Variants in TRIM44 observed in about 807,000 individuals in gnomAD.
TRIM44 encodes tripartite motif containing 44, also known as tripartite motif-containing protein 44.
In TRIM44, 13 loss-of-function variants were observed where a neutral mutation model predicts 37.4. The ratio of observed to expected loss-of-function variants is 0.35; its 90% confidence interval spans 0.23 to 0.55. The LOEUF (loss-of-function observed/expected upper bound fraction) is 0.55. Among genes scored for constraint, TRIM44 ranks in the 20% least tolerant of loss-of-function variants. The pLI is 0.89. For synonymous variants in TRIM44, 175 were observed against 157.2 expected, an observed-to-expected ratio of 1.11 and a Z score of -0.85; for missense variants, 426 against 437.2, an observed-to-expected ratio of 0.97 and a Z score of 0.23.
intron 2 of TRIM44, among the ~76,000 whole-genome samples, chr11:35,703,349 A>G (rs1253719148): frequency 6.6e-6 from 1 of 152,214 alleles, no homozygotes; most frequent in Non-Finnish European, 1.5e-5. Context: ...AAACAAAAAG[A>G]CAGCAGTAAC....
At chr11:35,784,821 G>A (rs1393852087) in intron 4 of TRIM44, among the ~76,000 whole-genome samples, 1 of 152,154 alleles carries the variant, frequency 6.6e-6, no homozygotes, top group East Asian at 1.9e-4. Flanking sequence ...CAAAAAACTA[G>A]GTTGTAGAAT....
chr11:35,740,710 T>C (rs1188973020), intron 4 of TRIM44, among the ~76,000 whole-genome samples: 1 of 152,178 alleles, frequency 6.6e-6, no homozygotes, highest in Non-Finnish European at 1.5e-5. Flanking sequence ...GCAAGTCATT[T>C]AACATCCTTG....
At chr11:35,719,937 T>C (rs1590540287) in intron 2 of TRIM44, among the ~76,000 whole-genome samples, 1 of 152,228 alleles carries the variant, frequency 6.6e-6, no homozygotes, top group Non-Finnish European at 1.5e-5. Context: ...CTGTCTTGAT[T>C]ATTACAGCTT....
Position 35,755,189 on chromosome 11 carries a change from T to C in TRIM44, c.1007+19744T>C, listed in dbSNP as rs184409202. On this transcript the variant is annotated intron_variant, in intron 4 of 4. Transcript: ENST00000299413. The stretch of plus-strand genomic sequence containing the variant: ...CTGTTGTTTCCTGACTTTTTAATGA[T>C]CACCAGTCTTACTGGTGTGAGATGA... Among the ~76,000 whole-genome samples the C allele has an allele frequency of 1.5e-3, 224 of 152,328 alleles. 1 individual carries two copies. The highest frequency in any genetic ancestry group is 2.4e-3 in the Non-Finnish European group (164 of 68,018).
At chr11:35,668,523 T>A (rs901350437) in intron 1 of TRIM44, among the ~76,000 whole-genome samples, 3 of 152,362 alleles carry the variant, frequency 2.0e-5, no homozygotes, top group East Asian at 3.9e-4. Flanking sequence ...GCTCCATCCA[T>A]GTCCCTGCAA....
intron 3 of TRIM44, among the ~76,000 whole-genome samples, chr11:35,726,895 C>G (rs1852182117): frequency 6.6e-6 from 1 of 151,772 alleles, no homozygotes; most frequent in Non-Finnish European, 1.5e-5. Flanking sequence ...CTCAGTGGCT[C>G]ACGCCTGTAA....
intron 1 of TRIM44, among the ~76,000 whole-genome samples, chr11:35,673,690 A>G (rs1222661722): frequency 2.0e-5 from 3 of 152,178 alleles, no homozygotes; most frequent in Middle Eastern, 3.4e-3. Flanking sequence ...TGGCCTTTCA[A>G]TCAAAATAGG....
chr11:35,747,138 T>TC (rs925413935), intron 4 of TRIM44, among the ~76,000 whole-genome samples: 24 of 152,316 alleles, frequency 1.6e-4, no homozygotes, highest in African/African-American at 5.3e-4. Context: ...CTCCCACCTG[T>TC]ACAGGTATTA....
intron 1 of TRIM44, among the ~76,000 whole-genome samples, chr11:35,673,476 A>G (rs1230143808): frequency 1.3e-5 from 2 of 152,222 alleles, no homozygotes; most frequent in Non-Finnish European, 2.9e-5. Context: ...GTTAGCATAG[A>G]TGAAAATACT....
chr11:35,789,709 G>A (rs907756933), intron 4 of TRIM44, among the ~76,000 whole-genome samples: 3 of 152,124 alleles, frequency 2.0e-5, no homozygotes, highest in Non-Finnish European at 4.4e-5. Flanking sequence ...CTTAGAGGGC[G>A]ACCGGGCCTT....
chr11:35,683,151 A>C lies in TRIM44; in HGVS notation c.670-2108A>C, dbSNP rs560203726. Among the ~76,000 whole-genome samples, 4 of 152,292 alleles carry C rather than the reference A, an allele frequency of 2.6e-5. No homozygotes were observed. In the South Asian group the frequency reaches 8.3e-4, roughly 32 times the overall value. ...CCCTTTTTTAGGCACTTCAGGTCTC[A>C]CCTGCTTCCTGGTATATGACCTCTA... On this transcript the variant is annotated intron_variant, in intron 1 of 4. Coordinates refer to ENST00000299413, the MANE Select transcript of TRIM44 (RefSeq NM_017583.6).
At chr11:35,777,783 C>A (rs547718909) in intron 4 of TRIM44, among the ~76,000 whole-genome samples, 35 of 152,190 alleles carry the variant, frequency 2.3e-4, no homozygotes, top group Non-Finnish European at 4.7e-4. Flanking sequence ...GAATATTGGC[C>A]CCCACTCTCT....
intron 2 of TRIM44, among the ~76,000 whole-genome samples, chr11:35,719,506 G>A (rs1180605754): frequency 1.3e-5 from 2 of 152,058 alleles, no homozygotes; most frequent in Non-Finnish European, 1.5e-5. Context: ...TTCCCAGTCT[G>A]TGGTTTCTCT....
chr11:35,737,003 A>C (rs1852335044), intron 4 of TRIM44, among the ~76,000 whole-genome samples: 1 of 152,220 alleles, frequency 6.6e-6, no homozygotes, highest in African/African-American at 2.4e-5. Context: ...GCGAACATGT[A>C]ACTGGGCAAT....
chr11:35,749,076 A>T (rs1168453906), intron 4 of TRIM44, among the ~76,000 whole-genome samples: 1 of 152,148 alleles, frequency 6.6e-6, no homozygotes, highest in East Asian at 1.9e-4. Flanking sequence ...CAGATATTTT[A>T]CTTTGAAACA....
intron 4 of TRIM44, among the ~76,000 whole-genome samples, chr11:35,770,289 T>G (rs1229206453): frequency 2.0e-5 from 3 of 152,244 alleles, no homozygotes; most frequent in African/African-American, 7.2e-5. Context: ...TCATATTTGC[T>G]TTATCCAGTG....
intron 4 of TRIM44, among the ~76,000 whole-genome samples, chr11:35,793,911 CTG>C (rs1462282213): frequency 2.0e-5 from 3 of 152,162 alleles, no homozygotes; most frequent in Non-Finnish European, 4.4e-5. Context: ...ATTATGAAAA[CTG>C]TAAAGATTTG....
At chr11:35,744,250 A>G (rs762765525) in intron 4 of TRIM44, among the ~76,000 whole-genome samples, 1 of 152,240 alleles carries the variant, frequency 6.6e-6, no homozygotes, top group Non-Finnish European at 1.5e-5. Context: ...AACAAAAAAA[A>G]TTAGTATGAG....
intron 2 of TRIM44, among the ~76,000 whole-genome samples, chr11:35,708,227 G>C (rs1242844126): frequency 6.6e-6 from 1 of 152,298 alleles, no homozygotes; most frequent in Non-Finnish European, 1.5e-5. Context: ...ACACCAGTTA[G>C]AATGGCGATC....
Sources: gnomAD v4.1 joint callset for allele counts (sites outside exome capture counted in the v4.1 genomes callset) on GRCh38, gnomAD v4.1.1 for gene constraint, MANE v1.5 for transcripts, NCBI Gene and HGNC (gene_info 2026-07-23, HGNC 2026-07-21) for gene names.